Variants in NEGR1 observed in about 807,000 individuals in gnomAD.
NEGR1 encodes IgLON family member 4.
Under a neutral mutation model 40.9 loss-of-function variants are expected in NEGR1, and 10 were observed. That is an observed-to-expected ratio of 0.24 (90% CI 0.15 to 0.42). NEGR1 has a LOEUF of 0.42. Ranked by LOEUF, NEGR1 falls within the 10% of genes least tolerant of loss-of-function variation. NEGR1 has a pLI of 1.00. For missense variants in NEGR1, 352 were observed against 438.9 expected (o/e 0.80, Z 1.77); for synonymous variants, 185 against 166.8 (o/e 1.11, Z -0.84).
Position 71,470,173 on chromosome 1 carries a change from G to T in NEGR1, c.941-62603C>A, listed in dbSNP as rs547135757. Among the ~76,000 whole-genome samples the T allele has an allele frequency of 6.6e-5, 10 of 152,186 alleles. No individual in the cohort carries two copies. The East Asian group carries it at 1.4e-3, about 21-fold the overall frequency. On this transcript the variant is annotated intron_variant, in intron 6 of 6. Coordinates refer to ENST00000357731, the MANE Select transcript of NEGR1 (RefSeq NM_173808.3). ...TCTGTAGGGTCTATATACTCAGAATGCATCAGCATCACCTGGGCAGCTTTC... is the reference window on the plus strand; with the variant it reads ...TCTGTAGGGTCTATATACTCAGAATTCATCAGCATCACCTGGGCAGCTTTC...
intron 6 of NEGR1, among the ~76,000 whole-genome samples, chr1:71,552,398 C>T (rs1648113254): frequency 6.7e-6 from 1 of 149,590 alleles, no homozygotes; most frequent in Admixed American, 6.7e-5. Flanking sequence ...CTGTGTAGGC[C>T]CACAAATTCA....
intron 1 of NEGR1, among the ~76,000 whole-genome samples, chr1:72,273,635 A>G (rs1056806817): frequency 1.3e-5 from 2 of 151,926 alleles, no homozygotes; most frequent in African/African-American, 4.8e-5. Flanking sequence ...TAATCAAAGA[A>G]TACTTTACCT....
chr1:72,167,943 AG>A (rs1189432757), intron 1 of NEGR1, among the ~76,000 whole-genome samples: 1 of 151,880 alleles, frequency 6.6e-6, no homozygotes, highest in Non-Finnish European at 1.5e-5. Context: ...TTTTACAAAA[AG>A]TCTGTACCAG....
intron 1 of NEGR1, among the ~76,000 whole-genome samples, chr1:72,151,067 T>A (rs968711228): frequency 5.3e-5 from 8 of 151,928 alleles, no homozygotes; most frequent in Middle Eastern, 3.4e-3. Context: ...CCACCAAACA[T>A]CGTCCTCATA....
chr1:71,968,244 A>G (rs1044469955), intron 1 of NEGR1, among the ~76,000 whole-genome samples: 5 of 152,200 alleles, frequency 3.3e-5, no homozygotes, highest in African/African-American at 1.2e-4. Flanking sequence ...AATGAGAGAC[A>G]CAACCAGCAA....
chr1:71,475,850 C>A (rs1646816270), intron 6 of NEGR1, among the ~76,000 whole-genome samples: 1 of 151,874 alleles, frequency 6.6e-6, no homozygotes, highest in Non-Finnish European at 1.5e-5. Flanking sequence ...TAATTTAATG[C>A]TAAATTTTAT....
intron 1 of NEGR1, among the ~76,000 whole-genome samples, chr1:71,989,778 G>A (rs1414926127): frequency 1.3e-5 from 2 of 151,944 alleles, no homozygotes; most frequent in African/African-American, 4.8e-5. Flanking sequence ...GAATAAATAA[G>A]ACATCAGAGT....
At chr1:71,528,718 G>A (rs1557556202) in intron 6 of NEGR1, among the ~76,000 whole-genome samples, 1 of 151,082 alleles carries the variant, frequency 6.6e-6, no homozygotes, top group Non-Finnish European at 1.5e-5. Context: ...TTGAAAATGA[G>A]GCAAACATTT....
chr1:71,720,008 G>A (rs879284553), intron 3 of NEGR1, among the ~76,000 whole-genome samples: 2 of 152,052 alleles, frequency 1.3e-5, no homozygotes, highest in Non-Finnish European at 2.9e-5. Context: ...TAGCTGAAAA[G>A]GTAGTTGTCA....
chr1:72,168,960 C>T (rs905289482), intron 1 of NEGR1, among the ~76,000 whole-genome samples: 2 of 152,034 alleles, frequency 1.3e-5, no homozygotes, highest in Non-Finnish European at 2.9e-5. Context: ...CAAAAAGTAA[C>T]TGCAAATTTG....
At chr1:71,627,199 A>T (rs550751727) in intron 4 of NEGR1, among the ~76,000 whole-genome samples, 72 of 152,338 alleles carry the variant, frequency 4.7e-4, no homozygotes, top group Admixed American at 2.4e-3. Context: ...ATGCACATGT[A>T]TGTGTATTGC....
chr1:71,635,883 C>T (rs1651131661), intron 4 of NEGR1, among the ~76,000 whole-genome samples: 1 of 151,888 alleles, frequency 6.6e-6, no homozygotes. Flanking sequence ...AAGAATGCTT[C>T]ATATTGTGTA....
At chr1:71,702,726 T>A (rs376811304) in intron 3 of NEGR1, among the ~76,000 whole-genome samples, 8 of 141,858 alleles carry the variant, frequency 5.6e-5, no homozygotes, top group African/African-American at 1.0e-4. Flanking sequence ...AAAACTTATT[T>A]AAAAAAAAAA....
chr1:71,601,337 TG>T (rs1649913421), intron 5 of NEGR1, among the ~76,000 whole-genome samples: 1 of 152,166 alleles, frequency 6.6e-6, no homozygotes, highest in Non-Finnish European at 1.5e-5. Flanking sequence ...GGTGTGGATG[TG>T]GAGAAAAGGG....
At chr1:71,716,182 G>A (rs1030333274) in intron 3 of NEGR1, among the ~76,000 whole-genome samples, 1 of 152,086 alleles carries the variant, frequency 6.6e-6, no homozygotes, top group African/African-American at 2.4e-5. Context: ...CAAATCTCAT[G>A]AGAACTCACT....
chr1:72,189,042 C>T (rs980900161), intron 1 of NEGR1, among the ~76,000 whole-genome samples: 2 of 151,452 alleles, frequency 1.3e-5, no homozygotes, highest in African/African-American at 2.4e-5. Context: ...CGCATTTGCA[C>T]ATTCACTTTC....
At chr1:72,013,831 A>C (rs1394375101) in intron 1 of NEGR1, among the ~76,000 whole-genome samples, 1 of 151,640 alleles carries the variant, frequency 6.6e-6, no homozygotes, top group Non-Finnish European at 1.5e-5. Context: ...CTTAATTAAA[A>C]AAAAAAAAGT....
At chr1:72,163,716 TAGAC>T (rs1275815517) in intron 1 of NEGR1, among the ~76,000 whole-genome samples, 1 of 142,944 alleles carries the variant, frequency 7.0e-6, no homozygotes, top group African/African-American at 2.6e-5. Context: ...CTAGATTACA[TAGAC>T]AGATATCTAA....
At chr1:71,596,590 A>C (rs1227162940) in intron 5 of NEGR1, among the ~76,000 whole-genome samples, 7 of 152,230 alleles carry the variant, frequency 4.6e-5, no homozygotes. Flanking sequence ...ACATCACCCC[A>C]AAAAACTGGC....
Sources: gnomAD v4.1 joint callset for allele counts (sites outside exome capture counted in the v4.1 genomes callset) on GRCh38, gnomAD v4.1.1 for gene constraint, MANE v1.5 for transcripts, NCBI Gene and HGNC (gene_info 2026-07-23, HGNC 2026-07-21) for gene names.